The following UBOX5 variants were observed in gnomAD, a reference collection of about 807,000 sequenced individuals.
UBOX5 encodes RING finger protein 37.
Under a neutral mutation model 39.0 loss-of-function variants are expected in UBOX5, and 28 were observed. The observed-to-expected ratio is 0.72, with a 90% CI of 0.53 to 0.98. UBOX5 has a LOEUF of 0.98. UBOX5 is among the 50% of genes least tolerant of loss of function. UBOX5 has a pLI of 0.00. For missense variants in UBOX5, 585 were observed against 674.4 expected, an observed-to-expected ratio of 0.87 and a Z score of 1.47; for synonymous variants, 283 against 275.5, an observed-to-expected ratio of 1.03 and a Z score of -0.27.
intron 1 of UBOX5, among the ~76,000 whole-genome samples, chr20:3,137,756 T>C (rs2066484086): frequency 6.6e-6 from 1 of 152,248 alleles, no homozygotes; most frequent in South Asian, 2.1e-4. Flanking sequence ...CAGAACACTT[T>C]TATCACAAGA....
chr20:3,146,546 GT>G, intron 1 of UBOX5: 1 of 498,944 alleles, frequency 2.0e-6, no homozygotes, highest in Non-Finnish European at 3.5e-6. Flanking sequence ...ATATTAAGAT[GT>G]TTATTATTTA....
At chr20:3,147,196 A>C in intron 1 of UBOX5, 1 of 1,614,082 alleles carries the variant, frequency 6.2e-7, no homozygotes, top group Non-Finnish European at 8.5e-7. Flanking sequence ...AATCATCTGT[A>C]AGGCTGACTC....
intron 4 of UBOX5, among the ~76,000 whole-genome samples, chr20:3,114,885 T>G (rs1470489320): frequency 6.6e-6 from 1 of 151,860 alleles, no homozygotes; most frequent in Non-Finnish European, 1.5e-5. Flanking sequence ...GAGGCGGAGG[T>G]TGCAGTGAGC....
intron 3 of UBOX5, among the ~76,000 whole-genome samples, chr20:3,118,916 G>A (rs1474626869): frequency 6.6e-6 from 1 of 152,136 alleles, no homozygotes; most frequent in African/African-American, 2.4e-5. Context: ...TCTACCCTGA[G>A]TGACACAGTG....
chr20:3,146,798 T>C (rs148156105), intron 1 of UBOX5: 2 of 1,613,916 alleles, frequency 1.2e-6, no homozygotes, highest in African/African-American at 2.7e-5. Context: ...GGTGAATACT[T>C]TCTCATGAAG....
At chr20:3,110,431 C>T (rs1034395219) in intron 4 of UBOX5, 117 bp from the exon 5 acceptor site, 9 of 1,191,400 alleles carry the variant, frequency 7.6e-6, no homozygotes, top group East Asian at 4.8e-5. Flanking sequence ...TCATCCCTCC[C>T]GAGTCCATCC....
At chr20:3,148,042 C>T (rs371577903) in intron 1 of UBOX5, 1 of 1,614,134 alleles carries the variant, frequency 6.2e-7, no homozygotes, top group Non-Finnish European at 8.5e-7. Flanking sequence ...TAGCACAAGC[C>T]AAGTCTCCAA....
chr20:3,118,114 C>T (rs1013159687), intron 3 of UBOX5, among the ~76,000 whole-genome samples: 5 of 151,498 alleles, frequency 3.3e-5, no homozygotes, highest in African/African-American at 7.3e-5. Context: ...GCAGAGATTG[C>T]GTCACTGCTG....
intron 1 of UBOX5, among the ~76,000 whole-genome samples, chr20:3,130,269 A>ATAAATAAG (rs548576351): frequency 1.5e-4 from 23 of 150,960 alleles, no homozygotes; most frequent in Non-Finnish European, 2.8e-4. Flanking sequence ...AAATAAATAA[A>ATAAATAAG]CAAACAAAGA....
chr20:3,144,593 A>G (rs2066544098), intron 1 of UBOX5, among the ~76,000 whole-genome samples: 1 of 152,256 alleles, frequency 6.6e-6, no homozygotes, highest in African/African-American at 2.4e-5. Flanking sequence ...TGATACCAAA[A>G]GCACAAGCAA....
chr20:3,144,113 C>T (rs1476324878), intron 1 of UBOX5, among the ~76,000 whole-genome samples: 1 of 152,148 alleles, frequency 6.6e-6, no homozygotes, highest in African/African-American at 2.4e-5. Flanking sequence ...TTCCCCAAAG[C>T]AAACGACAGA....
intron 1 of UBOX5, among the ~76,000 whole-genome samples, chr20:3,139,539 A>G (rs929024206): frequency 1.3e-5 from 2 of 151,272 alleles, no homozygotes; most frequent in Non-Finnish European, 2.9e-5. Flanking sequence ...ACAGGCACCC[A>G]CCACCACACC....
intron 1 of UBOX5, among the ~76,000 whole-genome samples, chr20:3,158,464 AT>A (rs140449510): frequency 0.02 from 2,983 of 151,590 alleles, 113 homozygotes; most frequent in African/African-American, 0.069. Context: ...TTATTTACTT[AT>A]TTATTTATTT....
chr20:3,130,718 T>C (rs2066422899), intron 1 of UBOX5, among the ~76,000 whole-genome samples: 1 of 152,130 alleles, frequency 6.6e-6, no homozygotes, highest in South Asian at 2.1e-4. Context: ...TTGGTATCTT[T>C]ACTATATGTT....
At chr20:3,157,763 C>A (rs192511732) in intron 1 of UBOX5, among the ~76,000 whole-genome samples, 3 of 152,296 alleles carry the variant, frequency 2.0e-5, no homozygotes, top group African/African-American at 7.2e-5. Context: ...AGAGAAAATT[C>A]CCAAATAAAT....
chr20:3,139,930 G>A (rs1600396926), intron 1 of UBOX5, among the ~76,000 whole-genome samples: 2 of 150,946 alleles, frequency 1.3e-5, no homozygotes, highest in Admixed American at 6.6e-5. Flanking sequence ...GGCTGGTCTC[G>A]AACTCCTGAC....
At chr20:3,154,827 T>C (rs890700622) in intron 1 of UBOX5, among the ~76,000 whole-genome samples, 1 of 150,656 alleles carries the variant, frequency 6.6e-6, no homozygotes, top group Non-Finnish European at 1.5e-5. Context: ...GAGGATAAAG[T>C]GAGTAAGAGG....
rs537121215 is a variant in UBOX5, at chr20:3,158,928, CA to C, written c.-42+837del. On this transcript the variant is annotated intron_variant, in intron 1 of 4. Transcript: ENST00000217173. Reference sequence around the variant, plus strand: ...ACGTGAATTCAGATTCCAGCAGCAACAAATGACTGGAGCACAAAACGCCAGC... The same window carrying C: ...ACGTGAATTCAGATTCCAGCAGCAACAATGACTGGAGCACAAAACGCCAGC... Among the ~76,000 whole-genome samples the C allele has an allele frequency of 2.0e-3, 297 of 152,288 alleles. 1 individual carries two copies. The highest frequency in any genetic ancestry group is 6.9e-3 in the African/African-American group (288 of 41,564).
chr20:3,157,447 T>G (rs2066697736), intron 1 of UBOX5, among the ~76,000 whole-genome samples: 1 of 152,236 alleles, frequency 6.6e-6, no homozygotes, highest in Admixed American at 6.5e-5. Context: ...AAACAGCACA[T>G]CACAAACATT....
Sources: gnomAD v4.1 joint callset for allele counts (sites outside exome capture counted in the v4.1 genomes callset) on GRCh38, gnomAD v4.1.1 for gene constraint, MANE v1.5 for transcripts, NCBI Gene and HGNC (gene_info 2026-07-23, HGNC 2026-07-21) for gene names.